Variants in LRRC69 observed in about 807,000 individuals in gnomAD.
The protein encoded by LRRC69 is leucine rich repeat containing 69, also known as leucine-rich repeat-containing protein 69.
In LRRC69, 42 loss-of-function variants were observed where a neutral mutation model predicts 37.8. That is an observed-to-expected ratio of 1.11 (90% CI 0.87 to 1.44). The LOEUF is 1.44. LRRC69 is among the 40% of genes most tolerant of loss of function. The probability of loss-of-function intolerance (pLI) is 0.00; values close to 1 mark genes in which losing one functional copy is unlikely to be tolerated. For missense variants in LRRC69, 357 were observed against 401.9 expected, an observed-to-expected ratio of 0.89 and a Z score of 0.96; for synonymous variants, 141 against 143.1, an observed-to-expected ratio of 0.99 and a Z score of 0.11.
intron 5 of LRRC69, among the ~76,000 whole-genome samples, chr8:91,188,881 A>G (rs1249543716): frequency 2.0e-5 from 3 of 149,330 alleles, no homozygotes; most frequent in African/African-American, 7.4e-5. Flanking sequence ...GCTGGAGTGC[A>G]GTGGCACAAT....
chr8:91,168,232 G>A (rs1431864855), intron 5 of LRRC69, among the ~76,000 whole-genome samples: 1 of 151,908 alleles, frequency 6.6e-6, no homozygotes, highest in Admixed American at 6.6e-5. Flanking sequence ...ATGATTCAGA[G>A]TATAAATGAA....
intron 1 of LRRC69, among the ~76,000 whole-genome samples, chr8:91,104,243 A>G (rs1468897111): frequency 1.3e-5 from 2 of 151,994 alleles, no homozygotes; most frequent in Non-Finnish European, 2.9e-5. Flanking sequence ...GTAAGATGAC[A>G]GTGTCAGCCT....
chr8:91,157,872 T>A, intron 5 of LRRC69: 1 of 1,600,906 alleles, frequency 6.2e-7, no homozygotes, highest in Non-Finnish European at 8.5e-7. Flanking sequence ...TCAAATGCAT[T>A]TTTAGATAAG....
At chr8:91,181,620 G>A (rs1027345508) in intron 5 of LRRC69, among the ~76,000 whole-genome samples, 2 of 152,092 alleles carry the variant, frequency 1.3e-5, no homozygotes, top group Non-Finnish European at 2.9e-5. Context: ...TTATTTAGAA[G>A]GAAAAGAGAT....
At chr8:91,210,129 T>A (rs1809882117) in intron 7 of LRRC69, among the ~76,000 whole-genome samples, 1 of 152,226 alleles carries the variant, frequency 6.6e-6, no homozygotes, top group Non-Finnish European at 1.5e-5. Flanking sequence ...GGGTGACATT[T>A]AAGTAATAGA....
At chr8:91,198,345 A>T (rs1809654423) in intron 6 of LRRC69, among the ~76,000 whole-genome samples, 1 of 152,116 alleles carries the variant, frequency 6.6e-6, no homozygotes, top group South Asian at 2.1e-4. Flanking sequence ...TCCAAATATG[A>T]CCACACAGCA....
exon 8 of LRRC69, chr8:91,218,964 A>C: frequency 1.3e-6 from 2 of 1,551,090 alleles, no homozygotes; most frequent in Non-Finnish European, 1.7e-6. Flanking sequence ...GTTTTACTCA[A>C]CGTGACCCTA....
intron 5 of LRRC69, among the ~76,000 whole-genome samples, chr8:91,147,259 T>A (rs1005717828): frequency 4.5e-5 from 4 of 89,066 alleles, no homozygotes; most frequent in Admixed American, 9.2e-5. Context: ...TAATATATAT[T>A]ATATATAAAC....
At chr8:91,183,702 T>C (rs942694477) in intron 5 of LRRC69, among the ~76,000 whole-genome samples, 1 of 152,170 alleles carries the variant, frequency 6.6e-6, no homozygotes, top group Admixed American at 6.5e-5. Context: ...AATTATGAGT[T>C]ATCAAGGAAA....
At chr8:91,119,873 C>T (rs1365718498) in intron 1 of LRRC69, among the ~76,000 whole-genome samples, 1 of 151,974 alleles carries the variant, frequency 6.6e-6, no homozygotes, top group South Asian at 2.1e-4. Flanking sequence ...AGAGCCCTTT[C>T]ACTTATCTAA....
intron 7 of LRRC69, among the ~76,000 whole-genome samples, chr8:91,204,459 A>G (rs547003115): frequency 6.6e-6 from 1 of 152,338 alleles, no homozygotes; most frequent in South Asian, 2.1e-4. Flanking sequence ...TATGGCCTCT[A>G]TGCTGGGGAG....
At chr8:91,179,681 T>C (rs922439643) in intron 5 of LRRC69, among the ~76,000 whole-genome samples, 2 of 152,248 alleles carry the variant, frequency 1.3e-5, no homozygotes, top group African/African-American at 4.8e-5. Flanking sequence ...CACTACCTTT[T>C]ATTGATAAAT....
chr8:91,143,889 T>C (rs1156254917), intron 5 of LRRC69, among the ~76,000 whole-genome samples: 2 of 151,972 alleles, frequency 1.3e-5, no homozygotes, highest in Non-Finnish European at 2.9e-5. Flanking sequence ...TAAATTTGCC[T>C]AGCTTAACAA....
chr8:91,104,200 C>T (rs1055540950), intron 1 of LRRC69, among the ~76,000 whole-genome samples: 1 of 151,974 alleles, frequency 6.6e-6, no homozygotes, highest in African/African-American at 2.4e-5. Flanking sequence ...TTTCTTCCTT[C>T]ATCAACTGCA....
Position 91,111,720 on chromosome 8 carries a change from G to A in LRRC69, c.183+8876G>A, listed in dbSNP as rs183975984. 8.5e-4 allele frequency among the ~76,000 whole-genome samples: 129 copies of A among 151,792 alleles called. 1 individual carries two copies. The highest frequency in any genetic ancestry group is 1.3e-3 in the Non-Finnish European group (89 of 67,982). On this transcript the variant is annotated intron_variant, in intron 1 of 7. Transcript: ENST00000448384. ...CATAGAGGGGAATAACACACACTGG[G>A]GCCTATCAGAGAGTGGAAGCTGGGA... is the stretch of plus-strand genomic sequence containing the variant.
At chr8:91,161,235 G>C (rs963295953) in intron 5 of LRRC69, among the ~76,000 whole-genome samples, 2 of 151,246 alleles carry the variant, frequency 1.3e-5, no homozygotes, top group Non-Finnish European at 3.0e-5. Context: ...TGTTCATCAA[G>C]GTTATTCATT....
exon 8 of LRRC69, chr8:91,218,903 G>A (rs371431209): frequency 1.3e-6 from 2 of 1,548,158 alleles, no homozygotes; most frequent in Non-Finnish European, 1.7e-6. Flanking sequence ...TGGAAGATAA[G>A]CAAGAATCTG....
rs1358649615 is a variant in LRRC69 at position 91,133,162 on chromosome 8, C to G, written c.436C>G (p.Pro146Ala). The G allele has an allele frequency of 4.5e-6, 7 of 1,538,922 alleles. No homozygotes were observed. In the Admixed American group the frequency reaches 1.0e-4, roughly 22 times the overall value. Reference sequence around the variant, plus strand: ...AAATTATAACCAACTAGCCAGCATTCCTAGAGAACTTTGTTTTCTTGAGAA... The same window carrying G: ...AAATTATAACCAACTAGCCAGCATTGCTAGAGAACTTTGTTTTCTTGAGAA... The change falls in exon 4 of 8, where the codon CCT (proline) becomes GCT (alanine). Residue 146 changes from proline to alanine, a missense_variant. Transcript: ENST00000448384.
chr8:91,146,534 T>TTC (rs57117164), intron 5 of LRRC69, among the ~76,000 whole-genome samples: 2 of 150,822 alleles, frequency 1.3e-5, no homozygotes, highest in Non-Finnish European at 3.0e-5. Flanking sequence ...TTTAGATGAT[T>TTC]TCTCTCTCCC....
Sources: gnomAD v4.1 joint callset for allele counts (sites outside exome capture counted in the v4.1 genomes callset) on GRCh38, gnomAD v4.1.1 for gene constraint, MANE v1.5 for transcripts, NCBI Gene and HGNC (gene_info 2026-07-23, HGNC 2026-07-21) for gene names.